Variants in MSRA observed in about 807,000 individuals in gnomAD.
MSRA encodes mitochondrial peptide methionine sulfoxide reductase.
Under a neutral mutation model 31.3 loss-of-function variants are expected in MSRA, and 54 were observed. The ratio of observed to expected loss-of-function variants is 1.73; its 90% CI spans 1.39 to 2.17. MSRA has a LOEUF of 2.17. Among genes scored for constraint, MSRA ranks in the 30% most tolerant of loss-of-function variants. The pLI is 0.00. For synonymous variants in MSRA, 169 were observed against 116.5 expected (o/e 1.45, Z -2.90); for missense variants, 507 against 300.9 (o/e 1.69, Z -5.07).
intron 1 of MSRA, among the ~76,000 whole-genome samples, chr8:10,088,306 A>G (rs940352446): frequency 6.6e-6 from 1 of 152,224 alleles, no homozygotes; most frequent in South Asian, 2.1e-4. Flanking sequence ...TGGAACTTCC[A>G]TATGACCCAG....
At chr8:10,308,769 C>A (rs758323115) in intron 4 of MSRA, among the ~76,000 whole-genome samples, 1 of 152,244 alleles carries the variant, frequency 6.6e-6, no homozygotes, top group African/African-American at 2.4e-5. Flanking sequence ...GCACACTGTT[C>A]CTACTGCTTA....
rs1397231937 is a variant in MSRA at position 10,428,151 on chromosome 8, C to G, written c.547C>G (p.Leu183Val). The G allele has an allele frequency of 2.5e-6, 4 of 1,611,984 alleles. No individual in the cohort carries two copies. Among genetic ancestry groups the G allele is most frequent in the South Asian group, 2.2e-5 (2 of 90,556 alleles). The change falls in exon 6 of 6, where the codon CTT becomes GTT. Residue 183 changes from leucine to valine, a missense_variant. Coordinates refer to ENST00000317173, the MANE Select transcript of MSRA (RefSeq NM_012331.5). ...GCGCCTTTCTGTGTCCCCACAGGTT[C>G]TTTCAGAGCACGGCTTCGGCCCCAT... Reference protein sequence around the residue: ...LSSKENYQKVLSEHGFGPITT... With the variant: ...LSSKENYQKVVSEHGFGPITT...
At chr8:10,131,907 T>A (rs7833895) in intron 1 of MSRA, among the ~76,000 whole-genome samples, 137,455 of 152,288 alleles carry the variant, frequency 0.9, 62,224 homozygotes, top group East Asian at 0.96. Context: ...AATTTTCTTT[T>A]AATGGAAAAA....
At chr8:10,427,165 G>C (rs1418206433) in intron 5 of MSRA, among the ~76,000 whole-genome samples, 1 of 152,188 alleles carries the variant, frequency 6.6e-6, no homozygotes, top group Admixed American at 6.5e-5. Context: ...GAAAACATGG[G>C]TCCTGGCTCT....
At chr8:10,248,013 C>T (rs1236051293) in intron 3 of MSRA, among the ~76,000 whole-genome samples, 1 of 152,286 alleles carries the variant, frequency 6.6e-6, no homozygotes, top group Middle Eastern at 3.4e-3. Flanking sequence ...GGCCTCCCCT[C>T]TGAAGCCTCT....
intron 5 of MSRA, among the ~76,000 whole-genome samples, chr8:10,401,341 C>A (rs1807450238): frequency 6.6e-6 from 1 of 152,114 alleles, no homozygotes; most frequent in Admixed American, 6.6e-5. Flanking sequence ...CAATGCAAAT[C>A]AAAACTACAG....
chr8:10,263,444 C>T (rs971361113), intron 3 of MSRA, among the ~76,000 whole-genome samples: 3 of 152,260 alleles, frequency 2.0e-5, no homozygotes, highest in Admixed American at 6.5e-5. Flanking sequence ...GGTATGTGTG[C>T]ACGTTCAGAC....
chr8:10,088,735 C>T (rs1389219372), intron 1 of MSRA, among the ~76,000 whole-genome samples: 1 of 149,780 alleles, frequency 6.7e-6, no homozygotes, highest in Admixed American at 6.6e-5. Flanking sequence ...GACTTCATCT[C>T]AGAAAAAAAA....
At chr8:10,235,791 G>A (rs558979859) in intron 2 of MSRA, among the ~76,000 whole-genome samples, 61 of 152,128 alleles carry the variant, frequency 4.0e-4, no homozygotes, top group Non-Finnish European at 7.9e-4. Context: ...AATAAGAAAG[G>A]CTAGCCAACC....
intron 2 of MSRA, among the ~76,000 whole-genome samples, chr8:10,209,863 A>G (rs1041408709): frequency 3.3e-5 from 5 of 152,288 alleles, no homozygotes; most frequent in Admixed American, 1.3e-4. Context: ...ACAAGTTAAC[A>G]ACATATAAGA....
intron 5 of MSRA, among the ~76,000 whole-genome samples, chr8:10,406,612 G>C (rs949531526): frequency 3.9e-5 from 6 of 152,176 alleles, no homozygotes; most frequent in African/African-American, 1.4e-4. Context: ...CTTGGTGCTG[G>C]CCAGTCTGTT....
intron 3 of MSRA, among the ~76,000 whole-genome samples, chr8:10,292,788 G>A (rs1800314997): frequency 6.6e-6 from 1 of 152,206 alleles, no homozygotes; most frequent in Admixed American, 6.5e-5. Flanking sequence ...AGGACCTGGG[G>A]TGACCCTGAG....
At chr8:10,316,250 A>G (rs1003835501) in intron 4 of MSRA, among the ~76,000 whole-genome samples, 1 of 150,222 alleles carries the variant, frequency 6.7e-6, no homozygotes, top group African/African-American at 2.4e-5. Flanking sequence ...TACTTAAATT[A>G]TATATATTTA....
At chr8:10,247,620 C>G (rs774531265) in intron 3 of MSRA, among the ~76,000 whole-genome samples, 1 of 152,112 alleles carries the variant, frequency 6.6e-6, no homozygotes, top group African/African-American at 2.4e-5. Context: ...ACCACAGAGA[C>G]TGGTAAAGAA....
chr8:10,144,963 G>T (rs77821165), intron 1 of MSRA, among the ~76,000 whole-genome samples: 3 of 151,302 alleles, frequency 2.0e-5, no homozygotes, highest in South Asian at 4.2e-4. Flanking sequence ...GCTCGTTTTG[G>T]GGGAGGGGGC....
intron 1 of MSRA, among the ~76,000 whole-genome samples, chr8:10,078,086 T>G (rs1798084729): frequency 6.6e-6 from 1 of 152,240 alleles, no homozygotes. Context: ...AATTTAGAAC[T>G]GCCCTAAAGC....
At chr8:10,209,796 A>T (rs781160441) in intron 2 of MSRA, among the ~76,000 whole-genome samples, 24 of 152,222 alleles carry the variant, frequency 1.6e-4, no homozygotes, top group Non-Finnish European at 3.1e-4. Context: ...TGGGAGGCCC[A>T]CTGTGCATGG....
At chr8:10,254,935 G>T (rs146563146) in intron 3 of MSRA, among the ~76,000 whole-genome samples, 55 of 152,328 alleles carry the variant, frequency 3.6e-4, no homozygotes, top group African/African-American at 1.3e-3. Context: ...TTCTTTAGCC[G>T]GATGGACTTT....
At chr8:10,400,959 G>C (rs1329306013) in intron 5 of MSRA, among the ~76,000 whole-genome samples, 1 of 152,196 alleles carries the variant, frequency 6.6e-6, no homozygotes, top group African/African-American at 2.4e-5. Context: ...CACTGGATTT[G>C]CAATGGATTT....
Sources: allele counts gnomAD v4.1 joint callset (sites outside exome capture counted in the v4.1 genomes callset), GRCh38; gene constraint gnomAD v4.1.1; transcripts MANE v1.5; gene names NCBI Gene and HGNC (gene_info 2026-07-23, HGNC 2026-07-21).